Variants in CAST observed in about 807,000 individuals in gnomAD.
CAST encodes the protein calpastatin.
CAST carries 76 observed loss-of-function variants against 119.6 expected under a neutral mutation model. The observed-to-expected ratio is 0.64, with a 90% CI of 0.53 to 0.77. The LOEUF is 0.77. Among genes scored for constraint, CAST ranks in the 30% least tolerant of loss-of-function variants. The probability of loss-of-function intolerance (pLI) is 0.00; values close to 1 mark genes in which losing one functional copy is unlikely to be tolerated. For synonymous variants in CAST, 319 were observed against 331.6 expected, an observed-to-expected ratio of 0.96 and a Z score of 0.41; for missense variants, 953 against 946.5, an observed-to-expected ratio of 1.01 and a Z score of -0.09.
chr5:96,000,758 A>C, the CAST span, among the ~76,000 whole-genome samples: 5 of 152,210 alleles, frequency 3.3e-5, no homozygotes, highest in Non-Finnish European at 7.3e-5. Context: ...TTGGCCTCTT[A>C]ACATACTAGT....
At chr5:96,731,250 A>T (rs943006121) in intron 9 of CAST, among the ~76,000 whole-genome samples, 1 of 152,162 alleles carries the variant, frequency 6.6e-6, no homozygotes, top group African/African-American at 2.4e-5. Flanking sequence ...AGTGTATCAC[A>T]ACTATGACAT....
rs201454608 is a variant in CAST, at chr5:96,707,798, G to GT, written c.210+11892dup. 4.4e-4 allele frequency among the ~76,000 whole-genome samples: 67 copies of GT among 152,042 alleles called. No individual in the cohort carries two copies. The East Asian group carries it at 0.013, about 29-fold the overall frequency. On this transcript the variant is annotated intron_variant, in intron 3 of 31. Transcript: ENST00000675179. ...TCCCTGAGCTCTATAATGGACTGAG[G>GT]TCCCCCATACCAGTGACTTAAGAGT...
chr5:96,034,372 A>G, the CAST span, among the ~76,000 whole-genome samples: 2 of 151,466 alleles, frequency 1.3e-5, no homozygotes, highest in African/African-American at 4.9e-5. Flanking sequence ...ATAAATTAGT[A>G]CAGCCATTAT....
the CAST span, among the ~76,000 whole-genome samples, chr5:96,212,820 A>G: frequency 1.3e-5 from 2 of 152,114 alleles, no homozygotes; most frequent in Admixed American, 1.3e-4. Flanking sequence ...TCACCCTTCT[A>G]ACATTATGTA....
chr5:96,387,133 G>A, the CAST span, among the ~76,000 whole-genome samples: 1 of 152,216 alleles, frequency 6.6e-6, no homozygotes, highest in Non-Finnish European at 1.5e-5. Context: ...CACATAGTTA[G>A]AAGGTGGTAG....
intron 3 of CAST, among the ~76,000 whole-genome samples, chr5:96,708,327 A>G (rs962174989): frequency 2.0e-5 from 3 of 152,034 alleles, no homozygotes; most frequent in Non-Finnish European, 4.4e-5. Context: ...TCTGTGCTGC[A>G]TTGTGATTAA....
At chr5:96,487,805 A>T in the CAST span, among the ~76,000 whole-genome samples, 14 of 152,208 alleles carry the variant, frequency 9.2e-5, no homozygotes, top group African/African-American at 3.4e-4. Flanking sequence ...ATGAAACTCA[A>T]TTTCTATTCT....
At chr5:96,499,386 C>G in the CAST span, among the ~76,000 whole-genome samples, 1 of 152,118 alleles carries the variant, frequency 6.6e-6, no homozygotes, top group African/African-American at 2.4e-5. Flanking sequence ...ATAGTGTAGT[C>G]TACTAGGTGT....
the CAST span, among the ~76,000 whole-genome samples, chr5:96,370,871 G>GA: frequency 6.6e-5 from 10 of 152,146 alleles, no homozygotes; most frequent in Admixed American, 6.5e-4. Flanking sequence ...CTGTCTTAGG[G>GA]ATTCACCTGT....
At chr5:96,383,151 T>C in the CAST span, among the ~76,000 whole-genome samples, 4 of 152,194 alleles carry the variant, frequency 2.6e-5, no homozygotes, top group Non-Finnish European at 5.9e-5. Flanking sequence ...CGAGAGGTTC[T>C]GACTTAGGCT....
At chr5:96,288,058 G>A in the CAST span, among the ~76,000 whole-genome samples, 3 of 152,018 alleles carry the variant, frequency 2.0e-5, no homozygotes, top group African/African-American at 7.2e-5. Flanking sequence ...AGCTGTTTTG[G>A]GCTACAGATG....
At chr5:96,212,890 G>C in the CAST span, among the ~76,000 whole-genome samples, 1 of 152,102 alleles carries the variant, frequency 6.6e-6, no homozygotes. Context: ...GGCCAAGGTA[G>C]GAGGACTGCT....
chr5:96,310,384 G>A, the CAST span, among the ~76,000 whole-genome samples: 2 of 152,084 alleles, frequency 1.3e-5, no homozygotes, highest in Non-Finnish European at 2.9e-5. Context: ...ATATTTTCTG[G>A]TAGCTTTCTT....
At chr5:96,281,981 A>G in the CAST span, among the ~76,000 whole-genome samples, 1 of 152,098 alleles carries the variant, frequency 6.6e-6, no homozygotes, top group South Asian at 2.1e-4. Context: ...TCCTGTAAAA[A>G]ACTCCTGGCA....
At chr5:96,454,090 C>CTT in the CAST span, among the ~76,000 whole-genome samples, 3 of 151,710 alleles carry the variant, frequency 2.0e-5, no homozygotes, top group Admixed American at 6.6e-5. Context: ...CCAAATATAT[C>CTT]TTTTTTTTTC....
At chr5:96,123,938 TCA>T in the CAST span, among the ~76,000 whole-genome samples, 1 of 152,138 alleles carries the variant, frequency 6.6e-6, no homozygotes, top group Non-Finnish European at 1.5e-5. Context: ...CTTTTTAGCG[TCA>T]CAAGGCCTGA....
the CAST span, among the ~76,000 whole-genome samples, chr5:96,246,909 T>C: frequency 2.0e-5 from 3 of 152,246 alleles, no homozygotes; most frequent in Non-Finnish European, 4.4e-5. Context: ...CAAAACTTTT[T>C]AAATGAGTGT....
chr5:96,637,855 G>A (rs918201588), intron 1 of CAST, among the ~76,000 whole-genome samples: 3 of 152,118 alleles, frequency 2.0e-5, no homozygotes, highest in African/African-American at 7.2e-5. Context: ...TAAATTCAAA[G>A]ATTTAAAGAT....
At chr5:96,198,718 C>T in the CAST span, among the ~76,000 whole-genome samples, 1 of 152,032 alleles carries the variant, frequency 6.6e-6, no homozygotes, top group South Asian at 2.1e-4. Context: ...AATAATGATC[C>T]CTGAGGGAAA....
Sources: allele counts gnomAD v4.1 joint callset (sites outside exome capture counted in the v4.1 genomes callset), GRCh38; gene constraint gnomAD v4.1.1; transcripts MANE v1.5; gene names NCBI Gene and HGNC (gene_info 2026-07-23, HGNC 2026-07-21).